The following MGAT4D variants were observed in gnomAD, a reference collection of about 807,000 sequenced individuals.
MGAT4D encodes the protein MGAT4 family member D, also known as alpha-1,3-mannosyl-glycoprotein 4-beta-N-acetylglucosaminyltransferase-like protein MGAT4D.
Under a neutral mutation model 15.9 loss-of-function variants are expected in MGAT4D, and 34 were observed. The observed-to-expected ratio is 2.14, with a 90% confidence interval of 1.62 to 2.84. The LOEUF (loss-of-function observed/expected upper bound fraction) is 2.84, where lower values mean the gene tolerates loss of function less well. MGAT4D is among the 30% of genes most tolerant of loss of function. The pLI is 0.00. For missense variants in MGAT4D, 327 were observed against 140.2 expected, an observed-to-expected ratio of 2.33 and a Z score of -6.73; for synonymous variants, 112 against 48.2, an observed-to-expected ratio of 2.33 and a Z score of -5.49.
intron 1 of MGAT4D, among the ~76,000 whole-genome samples, chr4:140,485,810 TAAAAAAAAAAAAAAAAAAAA>T (rs61131099): frequency 0.018 from 231 of 13,032 alleles, 10 homozygotes; most frequent in African/African-American, 0.055. Context: ...GACCCTGTCT[TAAAAAAAAAAAAAAAAAAAA>T]AAAAAAAAAA....
intron 9 of MGAT4D, among the ~76,000 whole-genome samples, chr4:140,453,429 G>A (rs1308408948): frequency 1.3e-5 from 2 of 151,812 alleles, no homozygotes; most frequent in Non-Finnish European, 2.9e-5. Context: ...ATTTTAAGGT[G>A]TCCAGCATAT....
At chr4:140,470,096 T>C (rs1419711866) in intron 5 of MGAT4D, among the ~76,000 whole-genome samples, 1 of 152,220 alleles carries the variant, frequency 6.6e-6, no homozygotes, top group African/African-American at 2.4e-5. Context: ...GGGCCTCTGA[T>C]CCCCGGGTTT....
chr4:140,462,117 TTAAG>T, intron 6 of MGAT4D, 113 bp from the exon 7 acceptor site: 1 of 530,294 alleles, frequency 1.9e-6, no homozygotes, highest in Non-Finnish European at 3.4e-6. Flanking sequence ...CTAGCTACAA[TTAAG>T]TAACTAATTT....
intron 4 of MGAT4D, among the ~76,000 whole-genome samples, chr4:140,472,560 A>G (rs1732037549): frequency 6.6e-6 from 1 of 152,228 alleles, no homozygotes; most frequent in East Asian, 1.9e-4. Flanking sequence ...TTGTTTAAAA[A>G]TAGCAGACAT....
At chr4:140,468,545 T>C (rs1360851520) in intron 5 of MGAT4D, among the ~76,000 whole-genome samples, 1 of 152,216 alleles carries the variant, frequency 6.6e-6, no homozygotes, top group Non-Finnish European at 1.5e-5. Flanking sequence ...CTAGCATAGA[T>C]TGAAGCCACT....
At chr4:140,480,917 G>C (rs1003552821) in intron 2 of MGAT4D, among the ~76,000 whole-genome samples, 63 of 151,372 alleles carry the variant, frequency 4.2e-4, no homozygotes, top group African/African-American at 1.5e-3. Flanking sequence ...CGTTTGAACA[G>C]ACATTTCACC....
chr4:140,497,410 T>C (rs1473117076), intron 1 of MGAT4D, among the ~76,000 whole-genome samples: 5 of 152,216 alleles, frequency 3.3e-5, no homozygotes, highest in Non-Finnish European at 7.3e-5. Context: ...TTTAGAATAA[T>C]TATGTCCCAT....
At chr4:140,479,439 C>T in intron 3 of MGAT4D, 51 bp downstream of exon 3, 1 of 413,726 alleles carries the variant, frequency 2.4e-6, no homozygotes, top group South Asian at 6.8e-5. Flanking sequence ...AAAGTATGTC[C>T]CCAAAGATCA....
At chr4:140,466,981 G>A (rs1373291662) in intron 5 of MGAT4D, among the ~76,000 whole-genome samples, 3 of 151,940 alleles carry the variant, frequency 2.0e-5, no homozygotes, top group Non-Finnish European at 4.4e-5. Context: ...TATTTTTTCT[G>A]ATCTTTAATT....
In MGAT4D at chr4:140,498,127, A is replaced by G; in HGVS notation, c.94+2T>C. The G allele has an allele frequency of 1.4e-6, 1 of 697,202 alleles. No individual in the cohort carries two copies. Among genetic ancestry groups the G allele is most frequent in the East Asian group, 2.7e-5 (1 of 36,542 alleles). 43.2% of individuals were successfully genotyped at this position (697,202 alleles called of 1,614,324 possible). ...GAGGCGGGAGGAGGGCCCGCCGCTT[A>G]CTGGTTTGAGTTATCCTGTAGATGG... On this transcript the variant is annotated splice_donor_variant, in intron 1 of 10. Transcript: ENST00000511113. LOFTEE classifies it high-confidence loss of function.
At chr4:140,472,516 GA>G (rs78933886) in intron 4 of MGAT4D, among the ~76,000 whole-genome samples, 18,727 of 152,160 alleles carry the variant, frequency 0.12, 1,220 homozygotes, top group Admixed American at 0.2. Flanking sequence ...TGAGTACTCT[GA>G]AAGGCAACTC....
At chr4:140,496,504 A>G (rs1269404053) in intron 1 of MGAT4D, among the ~76,000 whole-genome samples, 1 of 152,190 alleles carries the variant, frequency 6.6e-6, no homozygotes, top group Non-Finnish European at 1.5e-5. Context: ...TTATAAAATC[A>G]TTAATGGTAT....
chr4:140,462,370 GCTTT>G (rs1453660383), intron 6 of MGAT4D: 1 of 161,454 alleles, frequency 6.2e-6, no homozygotes, highest in Admixed American at 6.2e-5. Flanking sequence ...TCTACTAACA[GCTTT>G]CTTTATTGAT....
chr4:140,474,303 A>G (rs1560786253), intron 4 of MGAT4D, among the ~76,000 whole-genome samples: 1 of 152,290 alleles, frequency 6.6e-6, no homozygotes, highest in East Asian at 1.9e-4. Flanking sequence ...GGACAGTAAT[A>G]GCTACCTCAC....
At chr4:140,479,871 C>A (rs538466738) in intron 2 of MGAT4D, among the ~76,000 whole-genome samples, 1 of 152,076 alleles carries the variant, frequency 6.6e-6, no homozygotes, top group Admixed American at 6.5e-5. Flanking sequence ...ACACAGAGGA[C>A]AATGGAACTG....
intron 1 of MGAT4D, among the ~76,000 whole-genome samples, chr4:140,490,623 GC>G (rs1733441815): frequency 6.6e-6 from 1 of 152,104 alleles, no homozygotes; most frequent in East Asian, 1.9e-4. Context: ...AAACATTTGA[GC>G]CTGAGTCTGA....
intron 1 of MGAT4D, among the ~76,000 whole-genome samples, chr4:140,497,260 T>A (rs1733896600): frequency 6.6e-6 from 1 of 152,144 alleles, no homozygotes; most frequent in South Asian, 2.1e-4. Flanking sequence ...GGGTTCATAA[T>A]TTACAGGGTT....
rs139639303 is a variant in MGAT4D at position 140,481,051 on chromosome 4, T to A, written c.253+1276A>T. 9.8e-3 allele frequency among the ~76,000 whole-genome samples: 1,485 copies of A among 152,220 alleles called. 7 individuals are homozygous for A. Among genetic ancestry groups the A allele is most frequent in the Non-Finnish European group, 0.013 (889 of 68,018 alleles). ...CTATAATAGGACAGGCATGGTCCCGTAATTCCAGCACTTTGGAAGGCTGAG... is the reference window on the plus strand; with the variant it reads ...CTATAATAGGACAGGCATGGTCCCGAAATTCCAGCACTTTGGAAGGCTGAG... On this transcript the variant is annotated intron_variant, in intron 2 of 10. Coordinates refer to ENST00000511113, the MANE Select transcript of MGAT4D (RefSeq NM_001277353.2).
At chr4:140,486,121 A>G (rs1312410451) in intron 1 of MGAT4D, among the ~76,000 whole-genome samples, 1 of 151,842 alleles carries the variant, frequency 6.6e-6, no homozygotes, top group East Asian at 1.9e-4. Context: ...CATCACCCAC[A>G]CTGGCCTCCT....
Sources: gnomAD v4.1 joint callset for allele counts (sites outside exome capture counted in the v4.1 genomes callset) on GRCh38, gnomAD v4.1.1 for gene constraint, MANE v1.5 for transcripts, NCBI Gene and HGNC (gene_info 2026-07-23, HGNC 2026-07-21) for gene names.